The following RARS2 variants were observed in gnomAD, a reference collection of about 807,000 sequenced individuals.
RARS2 encodes the protein probable arginine--tRNA ligase, mitochondrial.
A neutral mutation model predicts 88.5 loss-of-function variants in RARS2; 67 were observed. The observed-to-expected ratio is 0.76, with a 90% CI of 0.62 to 0.93. The LOEUF (loss-of-function observed/expected upper bound fraction) is 0.93. Among genes scored for constraint, RARS2 ranks in the 40% least tolerant of loss-of-function variants. The pLI is 0.00. For synonymous variants in RARS2, 239 were observed against 230.3 expected (o/e 1.04, Z -0.34); for missense variants, 664 against 684.2 (o/e 0.97, Z 0.33).
chr6:87,585,707 G>A (rs893668858), intron 1 of RARS2, among the ~76,000 whole-genome samples: 7 of 151,694 alleles, frequency 4.6e-5, no homozygotes, highest in Admixed American at 6.6e-5. Context: ...ACTCTAGCCC[G>A]GACGACTGAG....
intron 5 of RARS2, among the ~76,000 whole-genome samples, chr6:87,550,776 C>A (rs1582600361): frequency 1.5e-5 from 2 of 134,950 alleles, no homozygotes; most frequent in Admixed American, 7.4e-5. Flanking sequence ...TGGATGCATT[C>A]ATATTAAAGG....
chr6:87,568,474 T>C (rs1239100990), intron 2 of RARS2, among the ~76,000 whole-genome samples: 2 of 152,226 alleles, frequency 1.3e-5, no homozygotes, highest in Admixed American at 6.5e-5. Flanking sequence ...CCCTCCAGCT[T>C]GGGTGACAGA....
rs374547776 is a variant in RARS2 at position 87,538,366 on chromosome 6, C to T, written c.612+3552G>A. On this transcript the variant is annotated intron_variant, in intron 8 of 19. Transcript: ENST00000369536. ...ACTTTTTAGTTATTCACAGAAGTAC[C>T]TTATTGCCCTTATTCCTTCCATATG... is the stretch of plus-strand genomic sequence containing the variant. Among the ~76,000 whole-genome samples the T allele has an allele frequency of 2.9e-3, 442 of 152,250 alleles. 2 individuals are homozygous for T. Among genetic ancestry groups the T allele is most frequent in the African/African-American group, 9.7e-3 (404 of 41,546 alleles).
chr6:87,589,873 G>A, intron 1 of RARS2, 49 bp downstream of exon 1: 3 of 1,614,144 alleles, frequency 1.9e-6, no homozygotes, highest in Middle Eastern at 1.7e-4. Context: ...AAAGGCCTTT[G>A]GGGTCCCTAG....
At chr6:87,534,561 C>T (rs186721142) in intron 8 of RARS2, among the ~76,000 whole-genome samples, 1 of 152,228 alleles carries the variant, frequency 6.6e-6, no homozygotes, top group Admixed American at 6.5e-5. Flanking sequence ...GTACTTTGTT[C>T]TTGCTAGGTA....
At chr6:87,573,380 G>A (rs1770403579) in intron 1 of RARS2, among the ~76,000 whole-genome samples, 1 of 152,082 alleles carries the variant, frequency 6.6e-6, no homozygotes, top group African/African-American at 2.4e-5. Flanking sequence ...CTCTCACCAG[G>A]CCCCACCTCC....
At chr6:87,522,882 T>A (rs543026519) in intron 11 of RARS2, among the ~76,000 whole-genome samples, 1 of 152,300 alleles carries the variant, frequency 6.6e-6, no homozygotes, top group South Asian at 2.1e-4. Context: ...AGTTCTAAGA[T>A]TACAGGCGTG....
At position 87,518,562 on chromosome 6, in the gene RARS2, T is replaced by G. The variant is rs145366145; in HGVS notation, c.1415+68A>C. 3.7e-4 allele frequency: 542 copies of G among 1,484,194 alleles called. No homozygotes were observed. The African/African-American group carries it at 6.8e-3, about 19-fold the overall frequency. The allele number at this position is 1,484,194 out of a possible 1,614,324, so 91.9% of individuals were successfully genotyped here. ...AGCCCAGAAAACAGGGCCTCTGGTC[T>G]TAGAATCACAGGACCTAGCCTAAGT... On this transcript the variant is annotated intron_variant, in intron 16 of 19. Transcript: ENST00000369536.
chr6:87,519,007 T>A, intron 14 of RARS2, 116 bp from the exon 15 acceptor site: 1 of 1,013,692 alleles, frequency 9.9e-7, no homozygotes, highest in Non-Finnish European at 1.5e-6. Flanking sequence ...AGATTCAGAA[T>A]GAGTAATTAC....
chr6:87,583,197 G>C (rs1774126962), intron 1 of RARS2, among the ~76,000 whole-genome samples: 1 of 152,178 alleles, frequency 6.6e-6, no homozygotes, highest in African/African-American at 2.4e-5. Context: ...GTTAATAACT[G>C]CTGAATCTAG....
At chr6:87,570,130 T>C (rs957188813) in intron 1 of RARS2, among the ~76,000 whole-genome samples, 1 of 152,120 alleles carries the variant, frequency 6.6e-6, no homozygotes, top group Non-Finnish European at 1.5e-5. Context: ...CCCGTCCCTA[T>C]CAAAGGCTTA....
At chr6:87,587,232 A>G (rs1456371620) in intron 1 of RARS2, among the ~76,000 whole-genome samples, 2 of 152,182 alleles carry the variant, frequency 1.3e-5, no homozygotes, top group Admixed American at 6.5e-5. Flanking sequence ...CCAATTTCCA[A>G]TTGAGCTCCA....
intron 11 of RARS2, among the ~76,000 whole-genome samples, chr6:87,522,231 G>A (rs1206804851): frequency 1.3e-5 from 2 of 151,414 alleles, no homozygotes; most frequent in Admixed American, 1.3e-4. Flanking sequence ...TCAGGAGGCT[G>A]AGGCAGGAGA....
intron 13 of RARS2, 126 bp from the exon 14 acceptor site, chr6:87,519,833 G>T: frequency 8.9e-7 from 1 of 1,127,660 alleles, no homozygotes; most frequent in Non-Finnish European, 1.3e-6. Context: ...TTAATAAAAT[G>T]AAATTGATGT....
At chr6:87,541,650 C>A (rs952085981) in intron 8 of RARS2, among the ~76,000 whole-genome samples, 1 of 151,950 alleles carries the variant, frequency 6.6e-6, no homozygotes, top group Non-Finnish European at 1.5e-5. Context: ...ATGGAGAAAC[C>A]CCATCTCTAC....
rs113665727 is a variant in RARS2, at chr6:87,585,895, T to C, written c.36+4027A>G. 6.3e-3 allele frequency among the ~76,000 whole-genome samples: 954 copies of C among 152,266 alleles called. 14 individuals are homozygous for C. The highest frequency in any genetic ancestry group is 0.022 in the African/African-American group (908 of 41,534). On this transcript the variant is annotated intron_variant, in intron 1 of 19. Transcript: ENST00000369536. ...AGTGATAGTATAAAATGCATTTCTT[T>C]TAGGCACAAGGAATAATCTACGCAA...
intron 14 of RARS2, 45 bp from the exon 15 acceptor site, chr6:87,518,936 GC>G (rs1300483691): frequency 6.4e-7 from 1 of 1,574,244 alleles, no homozygotes; most frequent in South Asian, 1.1e-5. Context: ...ATGACACTGT[GC>G]CAATCATGGA....
In RARS2 at chr6:87,516,469, C is replaced by T. The variant is rs1033192069; in HGVS notation, c.1586+337G>A. Among the ~76,000 whole-genome samples, 4 of 152,198 alleles carry T rather than the reference C, an allele frequency of 2.6e-5. No individual in the cohort carries two copies. In the South Asian group the frequency reaches 6.2e-4, roughly 24 times the overall value. ...CTTCTTCTTCCCAGCCACATTCCTT[C>T]TGATTAATATCTCCTTTCCTCTGAG... On this transcript the variant is annotated intron_variant, in intron 18 of 19. Transcript: ENST00000369536.
chr6:87,534,842 C>T (rs1226806037), intron 8 of RARS2, among the ~76,000 whole-genome samples: 1 of 152,186 alleles, frequency 6.6e-6, no homozygotes, highest in Non-Finnish European at 1.5e-5. Context: ...GTCTACATAG[C>T]GATCTTGTCT....
Sources: allele counts gnomAD v4.1 joint callset (sites outside exome capture counted in the v4.1 genomes callset), GRCh38; gene constraint gnomAD v4.1.1; transcripts MANE v1.5; gene names NCBI Gene and HGNC (gene_info 2026-07-23, HGNC 2026-07-21).